ATG2B: variants seen among roughly 807,000 people sequenced by gnomAD.
The protein encoded by ATG2B is autophagy related 2B.
A neutral mutation model predicts 241.3 loss-of-function variants in ATG2B; 121 were observed. The ratio of observed to expected loss-of-function variants is 0.50; its 90% CI spans 0.43 to 0.58. The LOEUF is 0.58. Among genes scored for constraint, ATG2B ranks in the 20% least tolerant of loss-of-function variants. ATG2B has a pLI of 0.00. For synonymous variants in ATG2B, 858 were observed against 876.6 expected (o/e 0.98, Z 0.37); for missense variants, 2,306 against 2,491.6 (o/e 0.93, Z 1.59).
chr14:96,335,644 C>T (rs574507122), intron 6 of ATG2B, among the ~76,000 whole-genome samples: 44 of 152,316 alleles, frequency 2.9e-4, no homozygotes, highest in Non-Finnish European at 5.0e-4. Context: ...ACTCCTTCCA[C>T]GGCATGGCTC....
Position 96,332,563 on chromosome 14 carries a change from C to G in ATG2B, c.1300G>C (p.Glu434Gln). ...PLGDPPNMDL[E>Q]LSLTSTYTNT... ...GTATATGTACTAGTTAATGATAACT[C>G]AAGGTCCATGTTTGGGGGGTCCCCA... The change falls in exon 9 of 42, where the codon GAG (glutamate) becomes CAG (glutamine). Residue 434 changes from glutamate (E) to glutamine (Q), a missense_variant. Transcript: ENST00000359933. 1.9e-6 allele frequency: 3 copies of G among 1,611,518 alleles called. No individual in the cohort carries two copies. The highest frequency in any genetic ancestry group is 2.5e-6 in the Non-Finnish European group (3 of 1,179,000).
chr14:96,297,369 A>C (rs1263410635), intron 34 of ATG2B, among the ~76,000 whole-genome samples: 2 of 151,792 alleles, frequency 1.3e-5, no homozygotes, highest in African/African-American at 4.8e-5. Context: ...ACAACAGATA[A>C]AGAGATGCTA....
At chr14:96,311,330 G>T in intron 27 of ATG2B, 43 bp from the exon 28 acceptor site, 1 of 1,557,166 alleles carries the variant, frequency 6.4e-7, no homozygotes, top group South Asian at 1.2e-5. Flanking sequence ...TTTTCCAAAT[G>T]AGACAAAAGT....
Position 96,315,154 on chromosome 14 carries a change from C to A in ATG2B, c.3642G>T (p.Gln1214His). 1.2e-6 allele frequency: 2 copies of A among 1,612,976 alleles called. No homozygotes were observed. Among genetic ancestry groups the A allele is most frequent in the Non-Finnish European group, 1.7e-6 (2 of 1,179,026 alleles). The change falls in exon 23 of 42, where the codon CAG becomes CAT. Residue 1214 changes from glutamine to histidine, a missense_variant and splice_region_variant. Around this residue, in one of 2 missense-constraint regions of ATG2B, gnomAD observed 1,927 missense variants for 2,011.2 expected, o/e 0.96. Coordinates refer to ENST00000359933, the MANE Select transcript of ATG2B (RefSeq NM_018036.7). ...MLPSGLSWHE[Q>H]ILYFLNIADE... ...AATACATATATAACAGCTCTCTTAC[C>A]TGCTCATGCCAGCTAAGCCCAGAAG...
chr14:96,323,884 T>C lies in ATG2B; in HGVS notation c.2540+12A>G, dbSNP rs1450797023. On this transcript the variant is annotated intron_variant, in intron 16 of 41. Coordinates refer to ENST00000359933, the MANE Select transcript of ATG2B (RefSeq NM_018036.7). ...GGAAAATCCTATTAAACCTATGCAT[T>C]TGCTTACTCACCGTGGCCAGTCAAA... 1 of 1,540,704 alleles carries C rather than the reference T, an allele frequency of 6.5e-7. No individual in the cohort carries two copies. Among genetic ancestry groups the C allele is most frequent in the Admixed American group, 1.8e-5 (1 of 56,548 alleles).
At chr14:96,353,699 T>C (rs1888396757) in intron 1 of ATG2B, among the ~76,000 whole-genome samples, 1 of 151,370 alleles carries the variant, frequency 6.6e-6, no homozygotes. Context: ...TAGAAAATAT[T>C]TGCTTAATGC....
In ATG2B at chr14:96,344,642, A is replaced by G; in HGVS notation, c.581+12T>C. 7.9e-6 allele frequency: 12 copies of G among 1,513,908 alleles called. No homozygotes were observed. The highest frequency in any genetic ancestry group is 1.1e-5 in the Non-Finnish European group (12 of 1,100,550). The allele number at this position is 1,513,908 out of a possible 1,614,324, so 93.8% of individuals were successfully genotyped here. A position where few individuals can be genotyped will look rare whatever the true frequency, so the allele number is the denominator to read the frequency against. The stretch of plus-strand genomic sequence containing the variant: ...AATAGGGTCATTTATTTTCAGACAT[A>G]AGAATTCTTACCTTTCTATTCGAAT... On this transcript the variant is annotated intron_variant, in intron 4 of 41. Transcript: ENST00000359933.
At chr14:96,319,470 T>A (rs1887403814) in intron 18 of ATG2B, among the ~76,000 whole-genome samples, 2 of 152,160 alleles carry the variant, frequency 1.3e-5, no homozygotes, top group Admixed American at 1.3e-4. Context: ...GAAAACATTC[T>A]CCTGTACCTA....
chr14:96,330,243 G>C (rs1378352230), intron 11 of ATG2B, among the ~76,000 whole-genome samples: 1 of 151,912 alleles, frequency 6.6e-6, no homozygotes, highest in African/African-American at 2.4e-5. Context: ...TTTACAGTTT[G>C]AGTATAAATA....
At chr14:96,327,960 G>C (rs895576173) in intron 14 of ATG2B, among the ~76,000 whole-genome samples, 5 of 152,172 alleles carry the variant, frequency 3.3e-5, no homozygotes, top group African/African-American at 1.2e-4. Context: ...TGAGATTACA[G>C]GTGTGTGCCA....
At chr14:96,322,781 C>T in intron 16 of ATG2B, 46 bp from the exon 17 acceptor site, 1 of 1,528,488 alleles carries the variant, frequency 6.5e-7, no homozygotes, top group East Asian at 2.3e-5. Flanking sequence ...TAAGTGTAAA[C>T]AGCAAAACTT....
At position 96,331,503 on chromosome 14, in the gene ATG2B, G is replaced by C; in HGVS notation, c.1603C>G (p.Pro535Ala). 6.2e-7 allele frequency: 1 copy of C among 1,614,076 alleles called. No individual in the cohort carries two copies. The change falls in exon 11 of 42, where the codon CCA becomes GCA. Residue 535 changes from proline (P) to alanine (A), a missense_variant. Around this residue, in one of 2 missense-constraint regions of ATG2B, gnomAD observed 1,927 missense variants for 2,011.2 expected, o/e 0.96. Coordinates refer to ENST00000359933, the MANE Select transcript of ATG2B (RefSeq NM_018036.7). The stretch of plus-strand genomic sequence containing the variant: ...AAAGCTACTGCCATAGGTGTCAATG[G>C]ATTAAGGTTCTGTGACGTTTCAGGT... ...SPPETSQNLN[P>A]LTPMAVAFFT... is the part of the protein sequence containing the mutation.
chr14:96,291,684 T>C lies in ATG2B; in HGVS notation c.5497-2A>G. The C allele has an allele frequency of 6.3e-7, 1 of 1,599,702 alleles. No homozygotes were observed. ...AATCAAAATCCCAGCTAGCGTACCC[T>C]TCAAAATTAAAAAAGGCCAAATTAA... On this transcript the variant is annotated splice_acceptor_variant, in intron 37 of 41. Transcript: ENST00000359933. LOFTEE classifies it high-confidence loss of function.
At chr14:96,305,867 T>G in intron 30 of ATG2B, 52 bp from the exon 31 acceptor site, 1 of 1,392,066 alleles carries the variant, frequency 7.2e-7, no homozygotes, top group Non-Finnish European at 1.0e-6. Flanking sequence ...TAGAAACAAC[T>G]GATTATGCTG....
intron 18 of ATG2B, 139 bp from the exon 19 acceptor site, chr14:96,317,994 T>C: frequency 1.7e-6 from 1 of 592,304 alleles, no homozygotes; most frequent in Non-Finnish European, 2.9e-6. Flanking sequence ...TACAAGAATT[T>C]GGAAAAACAA....
chr14:96,326,052 A>C, intron 14 of ATG2B, 130 bp from the exon 15 acceptor site: 1 of 842,368 alleles, frequency 1.2e-6, no homozygotes. Flanking sequence ...AGTCAATTCA[A>C]ATTAACCACT....
intron 34 of ATG2B, among the ~76,000 whole-genome samples, chr14:96,300,495 G>A (rs1886760350): frequency 6.6e-6 from 1 of 152,156 alleles, no homozygotes; most frequent in South Asian, 2.1e-4. Flanking sequence ...CTCCAGCCTG[G>A]GTGACAGAGT....
In ATG2B at chr14:96,311,431, ATACT is replaced by A. The variant is rs1218021395; in HGVS notation, c.3990+107_3990+110del. The A allele has an allele frequency of 8.6e-6, 10 of 1,165,390 alleles. No homozygotes were observed. The African/African-American group carries it at 9.4e-5, about 11-fold the overall frequency. 72.2% of individuals were successfully genotyped at this position (1,165,390 alleles called of 1,614,324 possible). ...GTATTTAAATAAATCCATTTTTAATATACTTACTCTATTTCTGACCAAAATTAGG... is the reference window on the plus strand; with the variant it reads ...GTATTTAAATAAATCCATTTTTAATATACTCTATTTCTGACCAAAATTAGG... On this transcript the variant is annotated intron_variant, in intron 27 of 41. Coordinates refer to ENST00000359933, the MANE Select transcript of ATG2B (RefSeq NM_018036.7).
chr14:96,309,407 C>T, intron 29 of ATG2B, 46 bp downstream of exon 29: 1 of 1,552,276 alleles, frequency 6.4e-7, no homozygotes. Context: ...ATAAAGTAAG[C>T]CCCAACATTA....
Sources: allele counts gnomAD v4.1 joint callset (sites outside exome capture counted in the v4.1 genomes callset), GRCh38; gene constraint gnomAD v4.1.1; regional missense constraint gnomAD v4.1.1; transcripts MANE v1.5; gene names NCBI Gene and HGNC (gene_info 2026-07-23, HGNC 2026-07-21).